Variants in CYP7B1 observed in about 807,000 individuals in gnomAD.
The protein encoded by CYP7B1 is cytochrome P450 family 7 subfamily B member 1.
Under a neutral mutation model 42.7 loss-of-function variants are expected in CYP7B1, and 29 were observed. The observed-to-expected ratio is 0.68, with a 90% CI of 0.51 to 0.93. The LOEUF is 0.93. Among genes scored for constraint, CYP7B1 ranks in the 40% least tolerant of loss-of-function variants. The pLI, the probability that CYP7B1 is intolerant of heterozygous loss-of-function variation, is 0.00. For missense variants in CYP7B1, 655 were observed against 600.5 expected (o/e 1.09, Z -0.95); for synonymous variants, 235 against 218.2 (o/e 1.08, Z -0.68).
intron 1 of CYP7B1, among the ~76,000 whole-genome samples, chr8:64,771,281 C>T (rs1165892485): frequency 1.3e-5 from 2 of 151,378 alleles, no homozygotes; most frequent in Admixed American, 6.6e-5. Flanking sequence ...AGGATGGTCT[C>T]GATCTCCTGA....
chr8:64,654,626 T>G (rs533923213), intron 1 of CYP7B1, among the ~76,000 whole-genome samples: 2 of 152,308 alleles, frequency 1.3e-5, no homozygotes, highest in Non-Finnish European at 1.5e-5. Flanking sequence ...AATGTTATTC[T>G]TCTCAAACTA....
intron 1 of CYP7B1, among the ~76,000 whole-genome samples, chr8:64,651,116 G>A (rs1385408094): frequency 6.6e-6 from 1 of 152,188 alleles, no homozygotes; most frequent in Non-Finnish European, 1.5e-5. Flanking sequence ...ATACTACTTG[G>A]AGAATGTTTT....
chr8:64,757,040 T>A (rs1373615182), intron 1 of CYP7B1, among the ~76,000 whole-genome samples: 1 of 152,134 alleles, frequency 6.6e-6, no homozygotes, highest in African/African-American at 2.4e-5. Context: ...CAAGCCTGAG[T>A]CCCAAAAGTG....
rs775984472 is a variant in CYP7B1, at chr8:64,596,943, T to C, written c.1234-14A>G. On this transcript the variant is annotated splice_polypyrimidine_tract_variant and intron_variant, in intron 5 of 5. Coordinates refer to ENST00000310193, the MANE Select transcript of CYP7B1 (RefSeq NM_004820.5). ...ATATCTAAACTCCTGTAAGGAAGAA[T>C]AGTGTTAAAATTAACATTTTATATG... 13 of 1,594,414 alleles carry C rather than the reference T, an allele frequency of 8.2e-6. No homozygotes were observed. In the Admixed American group the frequency reaches 8.5e-5, roughly 10 times the overall value.
chr8:64,648,760 C>T (rs1805991864), intron 1 of CYP7B1, among the ~76,000 whole-genome samples: 1 of 152,148 alleles, frequency 6.6e-6, no homozygotes, highest in South Asian at 2.1e-4. Flanking sequence ...CAACTTTTCT[C>T]ATATTTAATT....
intron 1 of CYP7B1, among the ~76,000 whole-genome samples, chr8:64,688,291 T>A (rs2129632149): frequency 6.6e-6 from 1 of 152,334 alleles, no homozygotes; most frequent in Non-Finnish European, 1.5e-5. Flanking sequence ...GTGGCCATAG[T>A]GACTACAGTT....
intron 1 of CYP7B1, among the ~76,000 whole-genome samples, chr8:64,792,897 G>C (rs1313982521): frequency 6.6e-6 from 1 of 152,038 alleles, no homozygotes; most frequent in Non-Finnish European, 1.5e-5. Context: ...TGAATTTTGG[G>C]GGCTCAGAGG....
chr8:64,606,650 G>A (rs1037963126), intron 4 of CYP7B1, among the ~76,000 whole-genome samples: 1 of 152,180 alleles, frequency 6.6e-6, no homozygotes, highest in Non-Finnish European at 1.5e-5. Context: ...ATCTTATGTA[G>A]AAGTTAATCA....
intron 1 of CYP7B1, among the ~76,000 whole-genome samples, chr8:64,626,853 TAATC>T (rs1805617142): frequency 6.6e-6 from 1 of 152,230 alleles, no homozygotes; most frequent in African/African-American, 2.4e-5. Flanking sequence ...TCATTTTGAT[TAATC>T]ACAAGATATT....
chr8:64,699,227 G>C (rs967544646), intron 1 of CYP7B1, among the ~76,000 whole-genome samples: 1 of 152,104 alleles, frequency 6.6e-6, no homozygotes, highest in Non-Finnish European at 1.5e-5. Context: ...CAGGATGTCT[G>C]AGTTGATGGA....
At chr8:64,620,784 C>T (rs1805519856) in intron 2 of CYP7B1, among the ~76,000 whole-genome samples, 1 of 152,142 alleles carries the variant, frequency 6.6e-6, no homozygotes, top group South Asian at 2.1e-4. Context: ...AGGTATCGTG[C>T]ACATTTAACT....
At chr8:64,605,082 G>A (rs1024390600) in intron 4 of CYP7B1, among the ~76,000 whole-genome samples, 2 of 152,212 alleles carry the variant, frequency 1.3e-5, no homozygotes, top group African/African-American at 4.8e-5. Context: ...ACAGGTAGAA[G>A]GCAGCAGTGT....
chr8:64,609,198 T>G (rs1486353157), intron 4 of CYP7B1, among the ~76,000 whole-genome samples: 1 of 152,202 alleles, frequency 6.6e-6, no homozygotes, highest in Non-Finnish European at 1.5e-5. Flanking sequence ...GGTGTACAAC[T>G]TGTTGTTTGG....
At chr8:64,728,907 C>A (rs1346511405) in intron 1 of CYP7B1, 1 of 152,166 alleles carries the variant, frequency 6.6e-6, no homozygotes, top group African/African-American at 2.4e-5. Flanking sequence ...ACCTATAATC[C>A]CAGCACTTTT....
intron 2 of CYP7B1, among the ~76,000 whole-genome samples, chr8:64,617,104 C>T (rs562016106): frequency 3.3e-5 from 5 of 152,150 alleles, no homozygotes; most frequent in Non-Finnish European, 7.4e-5. Flanking sequence ...GAGTCTGCTT[C>T]AGTCAGCCTG....
chr8:64,744,874 C>T (rs765400761), intron 1 of CYP7B1, among the ~76,000 whole-genome samples: 3 of 152,134 alleles, frequency 2.0e-5, no homozygotes, highest in Non-Finnish European at 2.9e-5. Context: ...CCCATTTAAA[C>T]CACATTTTTA....
At position 64,750,279 on chromosome 8, in the gene CYP7B1, C is replaced by T. The variant is rs115067795; in HGVS notation, c.122+48187G>A. ...CACCTTTACCTCACTTTAAAGAGTA[C>T]GGAAGTGAGGCATGGCAACCAACAG... On this transcript the variant is annotated intron_variant, in intron 1 of 5. Transcript: ENST00000310193. Among the ~76,000 whole-genome samples, 602 of 152,222 alleles carry T rather than the reference C, an allele frequency of 4.0e-3. 5 individuals carry two copies. Among genetic ancestry groups the T allele is most frequent in the African/African-American group, 0.013 (556 of 41,526 alleles).
At chr8:64,677,701 C>G (rs1293913884) in intron 1 of CYP7B1, among the ~76,000 whole-genome samples, 1 of 134,320 alleles carries the variant, frequency 7.4e-6, no homozygotes, top group African/African-American at 2.9e-5. Context: ...GAACCACACT[C>G]CTTGGTTTTT....
At chr8:64,793,397 G>T (rs904861258) in intron 1 of CYP7B1, among the ~76,000 whole-genome samples, 9 of 151,746 alleles carry the variant, frequency 5.9e-5, no homozygotes, top group Non-Finnish European at 1.2e-4. Context: ...TTTTTGTAGG[G>T]ATTGAGCAAG....
Sources: gnomAD v4.1 joint callset for allele counts (sites outside exome capture counted in the v4.1 genomes callset) on GRCh38, gnomAD v4.1.1 for gene constraint, MANE v1.5 for transcripts, NCBI Gene and HGNC (gene_info 2026-07-23, HGNC 2026-07-21) for gene names.